Variants in MAP2K6 observed in about 807,000 individuals in gnomAD.
MAP2K6 encodes dual specificity mitogen-activated protein kinase kinase 6.
MAP2K6 carries 16 observed loss-of-function variants against 53.7 expected under a neutral mutation model. The ratio of observed to expected loss-of-function variants is 0.30; its 90% CI spans 0.20 to 0.45. MAP2K6 has a LOEUF of 0.45. Ranked by LOEUF, MAP2K6 falls within the 20% of genes least tolerant of loss-of-function variation. The pLI, the probability that MAP2K6 is intolerant of heterozygous loss-of-function variation, is 1.00. For missense variants in MAP2K6, 204 were observed against 411.9 expected (o/e 0.50, Z 4.37); for synonymous variants, 132 against 143.1 (o/e 0.92, Z 0.55).
At chr17:69,520,008 T>C (rs557786414) in intron 5 of MAP2K6, 16 of 404,016 alleles carry the variant, frequency 4.0e-5, no homozygotes, top group African/African-American at 3.4e-4. Context: ...CTTATGTCTG[T>C]TAGTAATTAG....
At chr17:69,438,876 C>T (rs529991715) in intron 1 of MAP2K6, among the ~76,000 whole-genome samples, 12 of 152,270 alleles carry the variant, frequency 7.9e-5, no homozygotes, top group South Asian at 4.1e-4. Flanking sequence ...TGAGCCACCG[C>T]GCCCAGCTGG....
At chr17:69,516,164 C>A (rs910983227) in intron 2 of MAP2K6, among the ~76,000 whole-genome samples, 25 of 151,914 alleles carry the variant, frequency 1.6e-4, no homozygotes, top group Non-Finnish European at 3.1e-4. Context: ...AATAATTATA[C>A]AACTCACCAT....
At chr17:69,466,548 A>T (rs1318889804) in intron 1 of MAP2K6, among the ~76,000 whole-genome samples, 1 of 152,198 alleles carries the variant, frequency 6.6e-6, no homozygotes, top group Non-Finnish European at 1.5e-5. Context: ...TTCTCAAGCC[A>T]TCGGCACTGC....
At chr17:69,487,567 C>G (rs189716426) in intron 1 of MAP2K6, among the ~76,000 whole-genome samples, 1 of 152,194 alleles carries the variant, frequency 6.6e-6, no homozygotes. Flanking sequence ...TATTGATTTG[C>G]TCCTTTAATG....
intron 2 of MAP2K6, among the ~76,000 whole-genome samples, chr17:69,507,231 C>T (rs768805695): frequency 3.9e-5 from 6 of 152,132 alleles, no homozygotes; most frequent in Non-Finnish European, 7.3e-5. Context: ...CCCGCCATCC[C>T]AAGTTAACAT....
At chr17:69,533,231 A>G (rs532859256) in intron 10 of MAP2K6, among the ~76,000 whole-genome samples, 2 of 152,282 alleles carry the variant, frequency 1.3e-5, no homozygotes, top group African/African-American at 4.8e-5. Flanking sequence ...TAGCCACTGC[A>G]CCTGGTCGAG....
intron 1 of MAP2K6, among the ~76,000 whole-genome samples, chr17:69,485,843 T>G (rs9302900): frequency 1.3e-5 from 2 of 152,142 alleles, no homozygotes; most frequent in Non-Finnish European, 2.9e-5. Context: ...TTTCTTGGCT[T>G]GACAGTTGCT....
At chr17:69,470,803 A>G (rs151027354) in intron 1 of MAP2K6, among the ~76,000 whole-genome samples, 2 of 152,266 alleles carry the variant, frequency 1.3e-5, no homozygotes, top group African/African-American at 4.8e-5. Context: ...CTCTGGACAC[A>G]CCACACCTCT....
At chr17:69,461,595 A>T (rs1907623709) in intron 1 of MAP2K6, among the ~76,000 whole-genome samples, 1 of 152,134 alleles carries the variant, frequency 6.6e-6, no homozygotes, top group South Asian at 2.1e-4. Context: ...GGGAGAGCTC[A>T]TTTGATAAAG....
At chr17:69,516,309 C>T (rs1202178930) in intron 2 of MAP2K6, among the ~76,000 whole-genome samples, 6 of 151,896 alleles carry the variant, frequency 4.0e-5, no homozygotes, top group African/African-American at 1.5e-4. Context: ...CCCTTGTATA[C>T]ACAGTTCACA....
Position 69,537,439 on chromosome 17 carries a change from A to G in MAP2K6, c.927+1279A>G, listed in dbSNP as rs1346006330. ...GGCATTAAATGCTTGCTCCTCTGCT[A>G]TCCCAGCCACAAGCCCTGCTGTCTT... On this transcript the variant is annotated intron_variant, in intron 11 of 11. Coordinates refer to ENST00000590474, the MANE Select transcript of MAP2K6 (RefSeq NM_002758.4). 2.6e-5 allele frequency among the ~76,000 whole-genome samples: 4 copies of G among 152,214 alleles called. No homozygotes were observed. The East Asian group carries it at 7.7e-4, about 29-fold the overall frequency.
chr17:69,521,595 C>T (rs2145261214), intron 7 of MAP2K6: 1 of 152,486 alleles, frequency 6.6e-6, no homozygotes, highest in Non-Finnish European at 1.5e-5. Flanking sequence ...TTCCTCTTTC[C>T]TTTTCTTCCT....
chr17:69,511,146 A>G (rs1035383976), intron 2 of MAP2K6, among the ~76,000 whole-genome samples: 1 of 152,180 alleles, frequency 6.6e-6, no homozygotes. Flanking sequence ...CAAGGATAAA[A>G]GCAGTTTATA....
chr17:69,429,778 A>G (rs1384078823), intron 1 of MAP2K6, among the ~76,000 whole-genome samples: 1 of 152,170 alleles, frequency 6.6e-6, no homozygotes, highest in Non-Finnish European at 1.5e-5. Flanking sequence ...TCCAGCTGAG[A>G]GCTGATGTCC....
intron 7 of MAP2K6, 188 bp downstream of exon 7, chr17:69,521,288 TAAG>T (rs1598307221): frequency 1.8e-5 from 8 of 453,824 alleles, no homozygotes; most frequent in Admixed American, 1.6e-4. Flanking sequence ...GCTGAGGACA[TAAG>T]AAGAAGACGT....
chr17:69,533,862 CT>C (rs1442539772), intron 10 of MAP2K6, among the ~76,000 whole-genome samples: 3 of 151,654 alleles, frequency 2.0e-5, no homozygotes, highest in African/African-American at 7.3e-5. Context: ...CTTTTGCTTC[CT>C]GGGGTTGAGG....
intron 1 of MAP2K6, 21 bp from the exon 2 acceptor site, chr17:69,505,759 T>C: frequency 6.2e-7 from 1 of 1,607,018 alleles, no homozygotes; most frequent in Non-Finnish European, 8.5e-7. Flanking sequence ...CTTAACTTTT[T>C]CCTTTTGTCT....
In MAP2K6 at chr17:69,428,493, C is replaced by T. The variant is rs374835639; in HGVS notation, c.16+13493C>T. Among the ~76,000 whole-genome samples the T allele has an allele frequency of 1.1e-4, 17 of 152,322 alleles. No homozygotes were observed. In the East Asian group the frequency reaches 3.3e-3, roughly 29 times the overall value. On this transcript the variant is annotated intron_variant, in intron 1 of 11. Transcript: ENST00000590474. ...TAGGGCCCGCCCTACTCCAGTATGACATCATCTGTCATCAAGTAAGATCCC... is the reference window on the plus strand; with the variant it reads ...TAGGGCCCGCCCTACTCCAGTATGATATCATCTGTCATCAAGTAAGATCCC...
rs374026655 is a variant in MAP2K6, at chr17:69,432,906, C to A, written c.16+17906C>A. ...GGGGAAGAGACTCAGACCATATACA[C>A]TATGATTTGTTCTGTTGCTGATTAC... On this transcript the variant is annotated intron_variant, in intron 1 of 11. Coordinates refer to ENST00000590474, the MANE Select transcript of MAP2K6 (RefSeq NM_002758.4). 1.7e-3 allele frequency among the ~76,000 whole-genome samples: 256 copies of A among 151,742 alleles called. 1 individual carries two copies. Among genetic ancestry groups the A allele is most frequent in the African/African-American group, 5.8e-3 (240 of 41,338 alleles).
Sources: gnomAD v4.1 joint callset for allele counts (sites outside exome capture counted in the v4.1 genomes callset) on GRCh38, gnomAD v4.1.1 for gene constraint, MANE v1.5 for transcripts, NCBI Gene and HGNC (gene_info 2026-07-23, HGNC 2026-07-21) for gene names.